The following LIMCH1 variants were observed in gnomAD, a reference collection of about 807,000 sequenced individuals.
LIMCH1 encodes LIM and calponin homology domains 1, also known as LIM and calponin homology domains-containing protein 1.
LIMCH1 carries 113 observed loss-of-function variants against 176.5 expected under a neutral mutation model. That is an observed-to-expected ratio of 0.64 (90% CI 0.55 to 0.75). The LOEUF is 0.75. Ranked by LOEUF, LIMCH1 falls within the 30% of genes least tolerant of loss-of-function variation. The pLI is 0.00. For missense variants in LIMCH1, 1,674 were observed against 1,814.9 expected (o/e 0.92, Z 1.41); for synonymous variants, 619 against 645.9 (o/e 0.96, Z 0.63).
At chr4:41,378,821 G>T (rs937390673) in intron 1 of LIMCH1, among the ~76,000 whole-genome samples, 1 of 152,180 alleles carries the variant, frequency 6.6e-6, no homozygotes, top group Non-Finnish European at 1.5e-5. Context: ...GATTTGTTTT[G>T]TTCTGTATTT....
At chr4:41,684,076 T>G (rs1298579249) in intron 26 of LIMCH1, among the ~76,000 whole-genome samples, 1 of 152,184 alleles carries the variant, frequency 6.6e-6, no homozygotes, top group Admixed American at 6.5e-5. Context: ...AAAGGTTCCA[T>G]GTGGCTAAAT....
intron 1 of LIMCH1, among the ~76,000 whole-genome samples, chr4:41,556,613 C>T (rs2081303352): frequency 6.6e-6 from 1 of 152,060 alleles, no homozygotes; most frequent in African/African-American, 2.4e-5. Flanking sequence ...TCCCCATCTA[C>T]AGTGGAGGAA....
Position 41,629,815 on chromosome 4 carries a change from C to CTT in LIMCH1, c.1271+92_1271+93dup, listed in dbSNP as rs113955118. 5,306 of 1,164,206 alleles carry CTT rather than the reference C, an allele frequency of 4.6e-3. 129 individuals carry two copies. The African/African-American group carries it at 0.07, about 15-fold the overall frequency. 72.1% of individuals were successfully genotyped at this position (1,164,206 alleles called of 1,614,324 possible). ...AGGCATCAAATGCTTATCTTTGTGT[C>CTT]TTTTTTTTTTTTGTCAGGGTCTTGC... is the stretch of plus-strand genomic sequence containing the variant. On this transcript the variant is annotated intron_variant, in intron 9 of 31. Transcript: ENST00000503057.
At chr4:41,613,719 A>AT in intron 5 of LIMCH1, 58 bp downstream of exon 5, 1 of 1,464,608 alleles carries the variant, frequency 6.8e-7, no homozygotes, top group Non-Finnish European at 9.5e-7. Context: ...CAGGGGCTGC[A>AT]TTGCGCCTGG....
At chr4:41,431,337 A>G (rs1029851743) in intron 1 of LIMCH1, among the ~76,000 whole-genome samples, 1 of 152,174 alleles carries the variant, frequency 6.6e-6, no homozygotes, top group Non-Finnish European at 1.5e-5. Context: ...TTACCTGTAG[A>G]ACTTTGGGCA....
At chr4:41,638,614 C>G (rs964588491) in intron 13 of LIMCH1, among the ~76,000 whole-genome samples, 1 of 152,214 alleles carries the variant, frequency 6.6e-6, no homozygotes, top group Non-Finnish European at 1.5e-5. Context: ...GCTGCCTTCT[C>G]TAAACGCTGT....
chr4:41,399,203 T>C (rs190226672), intron 1 of LIMCH1, among the ~76,000 whole-genome samples: 1 of 152,316 alleles, frequency 6.6e-6, no homozygotes, highest in East Asian at 1.9e-4. Context: ...GCCTGTTGTT[T>C]ATTCTGAAAA....
chr4:41,414,321 C>G (rs2059737573), intron 1 of LIMCH1, among the ~76,000 whole-genome samples: 1 of 152,144 alleles, frequency 6.6e-6, no homozygotes, highest in Non-Finnish European at 1.5e-5. Flanking sequence ...GGAGAGACAA[C>G]TCACGTACTA....
Position 41,680,047 on chromosome 4 carries a change from G to A in LIMCH1, c.3561G>A (p.Trp1187Ter). ...QKEQDKLKEEWEKAQKEVEEE... is the reference protein window; with the variant it reads ...QKEQDKLKEE ...AGCAGGACAAGCTGAAAGAAGAGTG[G>A]GAAAAGGCCCAAAAGGAGGTGGAAG... Residue 1187 changes from tryptophan (W) to a stop codon, truncating the protein, a stop_gained, in exon 24 of 32, where the codon TGG (tryptophan) becomes TGA (stop). Transcript: ENST00000503057. LOFTEE classifies it high-confidence loss of function. 1 of 1,610,864 alleles carries A rather than the reference G, an allele frequency of 6.2e-7. No individual in the cohort carries two copies. The highest frequency in any genetic ancestry group is 8.5e-7 in the Non-Finnish European group (1 of 1,178,638).
chr4:41,391,203 G>A (rs1056501882), intron 1 of LIMCH1, among the ~76,000 whole-genome samples: 1 of 152,150 alleles, frequency 6.6e-6, no homozygotes, highest in African/African-American at 2.4e-5. Context: ...CTGCCATATT[G>A]GAAAAATATT....
intron 1 of LIMCH1, among the ~76,000 whole-genome samples, chr4:41,366,872 G>A (rs150908377): frequency 6.6e-6 from 1 of 152,054 alleles, no homozygotes; most frequent in Admixed American, 6.6e-5. Flanking sequence ...ATAAAGATAC[G>A]ACCTGAGACT....
intron 1 of LIMCH1, among the ~76,000 whole-genome samples, chr4:41,550,369 C>A (rs1398383640): frequency 6.6e-6 from 1 of 151,694 alleles, no homozygotes; most frequent in African/African-American, 2.4e-5. Flanking sequence ...TCATTTTATT[C>A]TCCTAGGTAT....
chr4:41,393,976 A>C (rs1348587170), intron 1 of LIMCH1, among the ~76,000 whole-genome samples: 1 of 152,226 alleles, frequency 6.6e-6, no homozygotes, highest in East Asian at 1.9e-4. Flanking sequence ...ACGGTTTGGG[A>C]ATAACATAAA....
chr4:41,587,128 A>T (rs2086635965), intron 1 of LIMCH1, among the ~76,000 whole-genome samples: 1 of 152,214 alleles, frequency 6.6e-6, no homozygotes, highest in African/African-American at 2.4e-5. Context: ...AGCAAAACCA[A>T]ATTTGAAGAG....
chr4:41,674,428 G>T lies in LIMCH1; in HGVS notation c.3439-1954G>T, dbSNP rs113932157. Among the ~76,000 whole-genome samples, 1,123 of 152,264 alleles carry T rather than the reference G, an allele frequency of 7.4e-3. 18 individuals carry two copies. Among genetic ancestry groups the T allele is most frequent in the African/African-American group, 0.026 (1,073 of 41,564 alleles). Reference sequence around the variant, plus strand: ...ATGTTTAAACCACCTCGAAGTTCTGGAACAATGACAGGTGGAGCCAACTTC... The same window carrying T: ...ATGTTTAAACCACCTCGAAGTTCTGTAACAATGACAGGTGGAGCCAACTTC... On this transcript the variant is annotated intron_variant, in intron 22 of 31. Coordinates refer to ENST00000503057, the MANE Select transcript of LIMCH1 (RefSeq NM_001330672.2).
Position 41,631,323 on chromosome 4 carries a change from A to T in LIMCH1, c.1447A>T (p.Lys483Ter). Residue 483 changes from lysine to a stop codon, truncating the protein, a stop_gained, in exon 10 of 32, where the codon AAG becomes TAG. Coordinates refer to ENST00000503057, the MANE Select transcript of LIMCH1 (RefSeq NM_001330672.2). LOFTEE classifies it high-confidence loss of function. ...GACGGAGCTAGATCAGCAGAAATGGAAGCGGCTTAGCATTGGCAAGGCTGG... is the reference window on the plus strand; with the variant it reads ...GACGGAGCTAGATCAGCAGAAATGGTAGCGGCTTAGCATTGGCAAGGCTGG... Reference protein sequence around the residue: ...PVTELDQQKWKRLSIGKAGPR... With the variant: ...PVTELDQQKW 1 of 1,536,178 alleles carries T rather than the reference A, an allele frequency of 6.5e-7. No individual in the cohort carries two copies. Among genetic ancestry groups the T allele is most frequent in the Non-Finnish European group, 8.7e-7 (1 of 1,146,912 alleles).
chr4:41,564,289 C>T (rs78773150), intron 1 of LIMCH1, among the ~76,000 whole-genome samples: 1 of 152,126 alleles, frequency 6.6e-6, no homozygotes, highest in Non-Finnish European at 1.5e-5. Context: ...GCTTCTCTCA[C>T]CCATTTGCTC....
At chr4:41,686,297 G>A (rs1330053524) in intron 28 of LIMCH1, among the ~76,000 whole-genome samples, 1 of 152,028 alleles carries the variant, frequency 6.6e-6, no homozygotes, top group Non-Finnish European at 1.5e-5. Flanking sequence ...AATATAATAG[G>A]CACTCTGTTG....
At chr4:41,438,692 T>G (rs1458013859) in intron 1 of LIMCH1, among the ~76,000 whole-genome samples, 8 of 148,778 alleles carry the variant, frequency 5.4e-5, no homozygotes, top group Non-Finnish European at 1.0e-4. Flanking sequence ...GAAGGACTAT[T>G]TTTTTTTTTT....
Sources: gnomAD v4.1 joint callset for allele counts (sites outside exome capture counted in the v4.1 genomes callset) on GRCh38, gnomAD v4.1.1 for gene constraint, MANE v1.5 for transcripts, NCBI Gene and HGNC (gene_info 2026-07-23, HGNC 2026-07-21) for gene names.